Variants in SLC12A6 observed in about 807,000 individuals in gnomAD.
SLC12A6 encodes K-Cl cotransporter 3.
In SLC12A6, 66 loss-of-function variants were observed where a neutral mutation model predicts 135.3. The observed-to-expected ratio is 0.49, with a 90% CI of 0.40 to 0.60. The LOEUF is 0.60. SLC12A6 is among the 20% of genes least tolerant of loss of function. SLC12A6 has a pLI of 0.00. For missense variants in SLC12A6, 1,058 were observed against 1,452.3 expected, an observed-to-expected ratio of 0.73 and a Z score of 4.41; for synonymous variants, 513 against 508.8, an observed-to-expected ratio of 1.01 and a Z score of -0.11.
At chr15:34,255,177 G>T in intron 8 of SLC12A6, 85 bp downstream of exon 8, 1 of 1,094,362 alleles carries the variant, frequency 9.1e-7, no homozygotes, top group Non-Finnish European at 1.4e-6. Flanking sequence ...TCCCACAGCT[G>T]ATCTCTCAGA....
At chr15:34,258,111 T>C (rs1343351844) in intron 5 of SLC12A6, among the ~76,000 whole-genome samples, 5 of 152,244 alleles carry the variant, frequency 3.3e-5, no homozygotes, top group African/African-American at 9.6e-5. Context: ...TGTTGGCTTT[T>C]TTCATTTAAA....
At position 34,238,981 on chromosome 15, in the gene SLC12A6, A is replaced by G; in HGVS notation, c.2616T>C (p.Ala872=). 6.2e-7 allele frequency: 1 copy of G among 1,614,106 alleles called. No individual in the cohort carries two copies. Among genetic ancestry groups the G allele is most frequent in the Non-Finnish European group, 8.5e-7 (1 of 1,179,934 alleles). The part of the protein sequence containing the change: ...NGWRQSEDAR[A]WKTFIGTVRV... ...GGTTAGTACCAATAAAAGTCTTCCA[A>G]GCGCGGGCATCTTCGCTTTGACGCC... is the stretch of plus-strand genomic sequence containing the variant. Residue 872 remains alanine (A), a synonymous_variant, in exon 20 of 26, where the codon GCT becomes GCC. Transcript: ENST00000354181.
chr15:34,278,840 A>AT (rs1894477498), intron 2 of SLC12A6, among the ~76,000 whole-genome samples: 1 of 151,866 alleles, frequency 6.6e-6, no homozygotes, highest in Admixed American at 6.6e-5. Flanking sequence ...AAGTGCTGGG[A>AT]TTACAGGCAT....
chr15:34,280,396 A>G (rs1894595702), intron 2 of SLC12A6, among the ~76,000 whole-genome samples: 1 of 152,220 alleles, frequency 6.6e-6, no homozygotes, highest in Non-Finnish European at 1.5e-5. Context: ...TTATCTAGAC[A>G]TATCACAAAA....
chr15:34,248,853 C>G (rs1892187497), intron 13 of SLC12A6, among the ~76,000 whole-genome samples: 1 of 152,106 alleles, frequency 6.6e-6, no homozygotes, highest in Admixed American at 6.5e-5. Context: ...AGCCTAGTCT[C>G]TAAGAGGATG....
At chr15:34,314,792 TTC>T (rs1041490208) in intron 2 of SLC12A6, 33 of 152,214 alleles carry the variant, frequency 2.2e-4, no homozygotes, top group African/African-American at 7.5e-4. Flanking sequence ...CCTTTGTTCC[TTC>T]TCTCACTCCT....
chr15:34,308,990 A>C (rs1349471810), intron 2 of SLC12A6, among the ~76,000 whole-genome samples: 3 of 152,154 alleles, frequency 2.0e-5, no homozygotes, highest in African/African-American at 7.2e-5. Flanking sequence ...CACTTAAATA[A>C]TCTTCCTAAT....
chr15:34,293,586 G>C (rs1173266917), intron 2 of SLC12A6, among the ~76,000 whole-genome samples: 1 of 152,198 alleles, frequency 6.6e-6, no homozygotes, highest in African/African-American at 2.4e-5. Flanking sequence ...TTACAGGCAT[G>C]AGCCATCGCG....
At chr15:34,322,169 C>G (rs1022362632) in intron 2 of SLC12A6, among the ~76,000 whole-genome samples, 1 of 151,892 alleles carries the variant, frequency 6.6e-6, no homozygotes, top group Non-Finnish European at 1.5e-5. Flanking sequence ...ACGGATCACC[C>G]GAGGTCAGTT....
At chr15:34,248,230 G>C (rs549308863) in intron 13 of SLC12A6, among the ~76,000 whole-genome samples, 1 of 151,880 alleles carries the variant, frequency 6.6e-6, no homozygotes, top group African/African-American at 2.4e-5. Context: ...CCAGGTTTTG[G>C]CTATTAAGAA....
chr15:34,236,972 A>T, intron 22 of SLC12A6, 157 bp from the exon 23 acceptor site: 3 of 659,908 alleles, frequency 4.5e-6, no homozygotes, highest in Non-Finnish European at 8.3e-6. Flanking sequence ...AGCTACATAA[A>T]TGTTTTTGTG....
chr15:34,316,871 G>A (rs347863), intron 2 of SLC12A6, among the ~76,000 whole-genome samples: 8,954 of 152,252 alleles, frequency 0.059, 840 homozygotes, highest in African/African-American at 0.2. Context: ...AATGAAATGA[G>A]GTACAGATGG....
At chr15:34,291,724 C>T (rs1895545440) in intron 2 of SLC12A6, among the ~76,000 whole-genome samples, 1 of 152,020 alleles carries the variant, frequency 6.6e-6, no homozygotes, top group Non-Finnish European at 1.5e-5. Context: ...CACTTTATTT[C>T]ATTAATTTGA....
intron 12 of SLC12A6, 104 bp downstream of exon 12, chr15:34,250,527 G>A: frequency 1.2e-6 from 1 of 842,628 alleles, no homozygotes; most frequent in South Asian, 1.3e-5. Flanking sequence ...GAAGTGAAGT[G>A]ATAGAAAGCA....
rs369901701 is a variant in SLC12A6 at position 34,237,553 on chromosome 15, G to C, written c.2803-3C>G. On this transcript the variant is annotated splice_polypyrimidine_tract_variant and splice_region_variant and intron_variant, in intron 21 of 25. Coordinates refer to ENST00000354181, the MANE Select transcript of SLC12A6 (RefSeq NM_001365088.1). ...CGTATGCTGCACTTTCGCCACACCTGAGAGAGTGACATACACATGTGAAAA... is the reference window on the plus strand; with the variant it reads ...CGTATGCTGCACTTTCGCCACACCTCAGAGAGTGACATACACATGTGAAAA... 9.9e-6 allele frequency: 16 copies of C among 1,610,610 alleles called. No individual in the cohort carries two copies. The African/African-American group carries it at 2.0e-4, about 20-fold the overall frequency.
At chr15:34,256,389 C>G in intron 6 of SLC12A6, 106 bp from the exon 7 acceptor site, 1 of 775,296 alleles carries the variant, frequency 1.3e-6, no homozygotes, top group Non-Finnish European at 2.3e-6. Context: ...TTAACTCTAC[C>G]TACTTTTATG....
chr15:34,235,109 T>TAA, intron 25 of SLC12A6, 72 bp downstream of exon 25: 1 of 1,357,194 alleles, frequency 7.4e-7, no homozygotes, highest in East Asian at 2.3e-5. Context: ...TGACTTTTAT[T>TAA]GTTACCTAGT....
intron 2 of SLC12A6, among the ~76,000 whole-genome samples, chr15:34,295,956 C>T (rs142415364): frequency 0.027 from 4,159 of 152,238 alleles, 192 homozygotes; most frequent in African/African-American, 0.095. Context: ...GCTGAGATCA[C>T]GCCATTGTAC....
At chr15:34,235,798 A>C (rs897889484) in intron 24 of SLC12A6, among the ~76,000 whole-genome samples, 3 of 152,152 alleles carry the variant, frequency 2.0e-5, no homozygotes, top group Non-Finnish European at 2.9e-5. Context: ...GGCTTATTTT[A>C]TAGTAAGAAC....
Sources: gnomAD v4.1 joint callset for allele counts (sites outside exome capture counted in the v4.1 genomes callset) on GRCh38, gnomAD v4.1.1 for gene constraint, MANE v1.5 for transcripts, NCBI Gene and HGNC (gene_info 2026-07-23, HGNC 2026-07-21) for gene names.